CDH17: variants seen among roughly 807,000 people sequenced by gnomAD.
CDH17 encodes the protein cadherin-17.
CDH17 carries 67 observed loss-of-function variants against 86.3 expected under a neutral mutation model. The ratio of observed to expected loss-of-function variants is 0.78; its 90% CI spans 0.64 to 0.95. The LOEUF (loss-of-function observed/expected upper bound fraction) is 0.95. CDH17 is among the 40% of genes least tolerant of loss of function. CDH17 has a pLI of 0.00. For missense variants in CDH17, 993 were observed against 1,017.6 expected (o/e 0.98, Z 0.33); for synonymous variants, 367 against 366.4 (o/e 1.00, Z -0.02).
chr8:94,165,710 G>T, intron 10 of CDH17, 51 bp downstream of exon 10: 1 of 1,219,238 alleles, frequency 8.2e-7, no homozygotes, highest in Non-Finnish European at 1.2e-6. Flanking sequence ...ATAACTCATA[G>T]CTAGAAGGAA....
intron 10 of CDH17, among the ~76,000 whole-genome samples, chr8:94,163,888 C>T (rs992287435): frequency 6.6e-6 from 1 of 152,220 alleles, no homozygotes; most frequent in Admixed American, 6.5e-5. Flanking sequence ...GCTCTGCACA[C>T]ACCTCGTTTG....
intron 15 of CDH17, among the ~76,000 whole-genome samples, chr8:94,144,621 C>G (rs1230555747): frequency 6.6e-6 from 1 of 151,714 alleles, no homozygotes; most frequent in African/African-American, 2.4e-5. Flanking sequence ...CTAAGTTTGG[C>G]AAAAATTTAA....
rs755469213 is a variant in CDH17, at chr8:94,130,730, C to T, written c.2294G>A (p.Cys765Tyr). The T allele has an allele frequency of 5.6e-6, 9 of 1,612,900 alleles. No individual in the cohort carries two copies. The highest frequency in any genetic ancestry group is 7.6e-6 in the Non-Finnish European group (9 of 1,178,914). Residue 765 changes from cysteine to tyrosine, a missense_variant, in exon 17 of 18, where the codon TGC (cysteine) becomes TAC (tyrosine). Coordinates refer to ENST00000027335, the MANE Select transcript of CDH17 (RefSeq NM_004063.4). ...GAAACAACTTCCTTCCACACAACTG[C>T]AGAATGTAACTGAAAAGCAGGACAG... ...EGIVSLPVTF[C>Y]SCVEGSCFRP...
intron 15 of CDH17, among the ~76,000 whole-genome samples, chr8:94,133,983 C>T (rs1332019334): frequency 6.6e-6 from 1 of 152,108 alleles, no homozygotes; most frequent in Non-Finnish European, 1.5e-5. Context: ...GTTGAACCAG[C>T]CTTGCATCCC....
chr8:94,153,250 AC>A (rs376346203), intron 12 of CDH17, among the ~76,000 whole-genome samples: 68 of 152,374 alleles, frequency 4.5e-4, no homozygotes, highest in African/African-American at 1.6e-3. Context: ...CAAATAGCCA[AC>A]AAGTATATGG....
At chr8:94,183,487 G>A (rs1310815303) in intron 3 of CDH17, among the ~76,000 whole-genome samples, 1 of 152,032 alleles carries the variant, frequency 6.6e-6, no homozygotes, top group African/African-American at 2.4e-5. Context: ...TTCAATAAAT[G>A]GTGCTAGAAC....
chr8:94,162,566 C>T (rs1421664485), intron 10 of CDH17, among the ~76,000 whole-genome samples: 1 of 152,202 alleles, frequency 6.6e-6, no homozygotes, highest in African/African-American at 2.4e-5. Flanking sequence ...ATCCCAGTGG[C>T]TGTCTCTCCT....
At chr8:94,135,457 T>G (rs978599406) in intron 15 of CDH17, among the ~76,000 whole-genome samples, 1 of 152,354 alleles carries the variant, frequency 6.6e-6, no homozygotes. Flanking sequence ...AAAGTCTGTT[T>G]TATCAGAGAC....
chr8:94,167,189 T>C (rs942657680), intron 9 of CDH17, among the ~76,000 whole-genome samples: 4 of 152,160 alleles, frequency 2.6e-5, no homozygotes, highest in African/African-American at 7.2e-5. Context: ...AGTATTTTAT[T>C]CCTGTGAGGG....
At chr8:94,200,954 C>T (rs1486552720) in intron 1 of CDH17, among the ~76,000 whole-genome samples, 3 of 152,032 alleles carry the variant, frequency 2.0e-5, no homozygotes, top group Non-Finnish European at 2.9e-5. Context: ...AAAAATCAAA[C>T]GATGAAGACC....
At chr8:94,131,232 A>T (rs1246291772) in intron 15 of CDH17, among the ~76,000 whole-genome samples, 1 of 152,202 alleles carries the variant, frequency 6.6e-6, no homozygotes, top group Non-Finnish European at 1.5e-5. Flanking sequence ...AATATAGTCA[A>T]TTATCATTTG....
At chr8:94,179,104 C>G (rs1375675397) in intron 3 of CDH17, among the ~76,000 whole-genome samples, 1 of 151,094 alleles carries the variant, frequency 6.6e-6, no homozygotes, top group Non-Finnish European at 1.5e-5. Flanking sequence ...ATCCCATGGT[C>G]CTTTCCTAAG....
At chr8:94,137,112 G>A (rs1345705453) in intron 15 of CDH17, among the ~76,000 whole-genome samples, 2 of 152,236 alleles carry the variant, frequency 1.3e-5, no homozygotes, top group Non-Finnish European at 2.9e-5. Flanking sequence ...ACCCACTTGA[G>A]GAGGCAGTGT....
At chr8:94,146,987 T>G (rs555891190) in intron 14 of CDH17, among the ~76,000 whole-genome samples, 29 of 152,212 alleles carry the variant, frequency 1.9e-4, no homozygotes, top group South Asian at 6.2e-4. Flanking sequence ...ATGGCTATAC[T>G]TAACCAAAGA....
At chr8:94,177,465 C>T (rs1813396604) in intron 4 of CDH17, 122 bp downstream of exon 4, 1 of 995,472 alleles carries the variant, frequency 1.0e-6, no homozygotes, top group African/African-American at 1.6e-5. Flanking sequence ...CAAAGCGTCC[C>T]ATTAATGTAA....
At chr8:94,168,097 A>AATATATATATAAATATATAT (rs1813191098) in intron 9 of CDH17, among the ~76,000 whole-genome samples, 3 of 50,662 alleles carry the variant, frequency 5.9e-5, no homozygotes, top group Non-Finnish European at 9.6e-5. Flanking sequence ...TACACTGGGG[A>AATATATATATAAATATATAT]ATATATATAT....
At chr8:94,165,328 C>G (rs187437269) in intron 10 of CDH17, among the ~76,000 whole-genome samples, 3 of 152,142 alleles carry the variant, frequency 2.0e-5, no homozygotes, top group Non-Finnish European at 2.9e-5. Flanking sequence ...TTAGACTCCC[C>G]GACAGCTGTG....
rs1266994339 is a variant in CDH17 at position 94,158,570 on chromosome 8, A to G, written c.1551+1401T>C. Reference sequence around the variant, plus strand: ...GCCCCCGTCACCTGCAAAGGAACACACCAACCCACTGCAAGCTCTGAAAAC... The same window carrying G: ...GCCCCCGTCACCTGCAAAGGAACACGCCAACCCACTGCAAGCTCTGAAAAC... On this transcript the variant is annotated intron_variant, in intron 12 of 17. Coordinates refer to ENST00000027335, the MANE Select transcript of CDH17 (RefSeq NM_004063.4). 2.0e-4 allele frequency among the ~76,000 whole-genome samples: 31 copies of G among 152,186 alleles called. 1 individual carries two copies. The highest frequency in any genetic ancestry group is 2.0e-3 in the Admixed American group (31 of 15,276).
At chr8:94,199,083 A>ATTTTTTTTT (rs71510475) in intron 1 of CDH17, among the ~76,000 whole-genome samples, 1 of 23,222 alleles carries the variant, frequency 4.3e-5, no homozygotes, top group African/African-American at 1.1e-4. Context: ...ATATATATAT[A>ATTTTTTTTT]TTTTTTTTTT....
Sources: allele counts gnomAD v4.1 joint callset (sites outside exome capture counted in the v4.1 genomes callset), GRCh38; gene constraint gnomAD v4.1.1; transcripts MANE v1.5; gene names NCBI Gene and HGNC (gene_info 2026-07-23, HGNC 2026-07-21).